The following NT5DC1 variants were observed in gnomAD, a reference collection of about 807,000 sequenced individuals.
NT5DC1 encodes 5'-nucleotidase domain-containing protein 1.
NT5DC1 carries 42 observed loss-of-function variants against 59.4 expected under a neutral mutation model. That is an observed-to-expected ratio of 0.71 (90% CI 0.55 to 0.92). The LOEUF is 0.92. Ranked by LOEUF, NT5DC1 falls within the 40% of genes least tolerant of loss-of-function variation. The pLI is 0.00. For missense variants in NT5DC1, 501 were observed against 537.1 expected, an observed-to-expected ratio of 0.93 and a Z score of 0.66; for synonymous variants, 172 against 188.1, an observed-to-expected ratio of 0.91 and a Z score of 0.70.
intron 6 of NT5DC1, among the ~76,000 whole-genome samples, chr6:116,138,514 A>C (rs922335541): frequency 6.6e-6 from 1 of 152,372 alleles, no homozygotes; most frequent in Middle Eastern, 3.4e-3. Context: ...AAAATGGGCT[A>C]GTTCAGAATT....
At chr6:116,115,098 A>G (rs1778940757) in intron 4 of NT5DC1, among the ~76,000 whole-genome samples, 1 of 152,248 alleles carries the variant, frequency 6.6e-6, no homozygotes. Flanking sequence ...GTCATACAGA[A>G]TAAACCAAAT....
At chr6:116,101,863 A>G (rs1010534525) in intron 1 of NT5DC1, among the ~76,000 whole-genome samples, 1 of 152,208 alleles carries the variant, frequency 6.6e-6, no homozygotes, top group African/African-American at 2.4e-5. Context: ...ATCCAGACAG[A>G]AAAAGAGCTG....
chr6:116,238,428 C>A, intron 10 of NT5DC1, 80 bp downstream of exon 10: 1 of 810,796 alleles, frequency 1.2e-6, no homozygotes, highest in East Asian at 3.2e-5. Context: ...CTACTTGACT[C>A]CAAAATTGTC....
At chr6:116,178,841 A>G (rs951141500) in intron 6 of NT5DC1, among the ~76,000 whole-genome samples, 2 of 152,198 alleles carry the variant, frequency 1.3e-5, no homozygotes, top group African/African-American at 2.4e-5. Context: ...GTAAATTTGC[A>G]ATTTCAGTGT....
intron 5 of NT5DC1, among the ~76,000 whole-genome samples, chr6:116,117,033 C>T (rs1015814794): frequency 2.6e-5 from 4 of 152,148 alleles, no homozygotes; most frequent in Non-Finnish European, 5.9e-5. Context: ...TCATTCATCT[C>T]TTCTGTTGAG....
At chr6:116,198,705 G>A (rs1781285361) in intron 6 of NT5DC1, among the ~76,000 whole-genome samples, 1 of 151,860 alleles carries the variant, frequency 6.6e-6, no homozygotes, top group African/African-American at 2.4e-5. Flanking sequence ...CTCCAGCCTG[G>A]GCAACAGGGG....
At chr6:116,217,651 A>G (rs1258263598) in intron 6 of NT5DC1, among the ~76,000 whole-genome samples, 1 of 152,088 alleles carries the variant, frequency 6.6e-6, no homozygotes, top group African/African-American at 2.4e-5. Context: ...GTTTGGCTAT[A>G]TGGTACTAAT....
chr6:116,155,776 G>A (rs115653952), intron 6 of NT5DC1, among the ~76,000 whole-genome samples: 4,359 of 151,202 alleles, frequency 0.029, 238 homozygotes, highest in African/African-American at 0.099. Flanking sequence ...AAAAAAAGAG[G>A]GAGGAAGTTG....
At chr6:116,141,274 T>G (rs887443010) in intron 6 of NT5DC1, among the ~76,000 whole-genome samples, 2 of 152,214 alleles carry the variant, frequency 1.3e-5, no homozygotes, top group African/African-American at 4.8e-5. Flanking sequence ...TTTTTTTTTT[T>G]TGGTGGTGGT....
chr6:116,200,759 C>G (rs549597223), intron 6 of NT5DC1, among the ~76,000 whole-genome samples: 1 of 152,094 alleles, frequency 6.6e-6, no homozygotes, highest in Admixed American at 6.6e-5. Flanking sequence ...TAGCTTGGAG[C>G]AGTTTCAGGT....
chr6:116,160,467 G>A lies in NT5DC1; in HGVS notation c.529+42522G>A, dbSNP rs2180735. On this transcript the variant is annotated intron_variant, in intron 6 of 11. Coordinates refer to ENST00000319550, the MANE Select transcript of NT5DC1 (RefSeq NM_152729.3). Reference sequence around the variant, plus strand: ...TTGTCTACTTTTTAATGGAATTTTTGTGGTTTTTTTTCTTTTTGATTTGTT... The same window carrying A: ...TTGTCTACTTTTTAATGGAATTTTTATGGTTTTTTTTCTTTTTGATTTGTT... Among the ~76,000 whole-genome samples, 867 of 151,986 alleles carry A rather than the reference G, an allele frequency of 5.7e-3. 29 individuals carry two copies. The South Asian group carries it at 0.088, about 15-fold the overall frequency.
At chr6:116,142,764 T>A (rs1182798227) in intron 6 of NT5DC1, among the ~76,000 whole-genome samples, 1 of 152,196 alleles carries the variant, frequency 6.6e-6, no homozygotes, top group African/African-American at 2.4e-5. Flanking sequence ...TGTTTCTTTT[T>A]GTTTCTTGTG....
intron 8 of NT5DC1, 44 bp downstream of exon 8, chr6:116,223,175 T>C (rs1233230034): frequency 9.8e-7 from 1 of 1,021,502 alleles, no homozygotes; most frequent in Admixed American, 1.8e-5. Flanking sequence ...TACAGTTGGC[T>C]AACAACCTTG....
At chr6:116,105,567 C>T (rs1250605267) in intron 1 of NT5DC1, among the ~76,000 whole-genome samples, 1 of 152,150 alleles carries the variant, frequency 6.6e-6, no homozygotes, top group Admixed American at 6.5e-5. Context: ...ATGTACAGTT[C>T]TTTTAAAGTT....
In NT5DC1 at chr6:116,238,350, T is replaced by A. The variant is rs766758462; in HGVS notation, c.1083+2T>A. 6.3e-7 allele frequency: 1 copy of A among 1,581,648 alleles called. No homozygotes were observed. Among genetic ancestry groups the A allele is most frequent in the East Asian group, 2.3e-5 (1 of 43,812 alleles). ...CTAGAGAAGAAAGGAAAATATGAGG[T>A]AAGGGTTCCCTGCAGCTCTTTCCTT... On this transcript the variant is annotated splice_donor_variant, in intron 10 of 11. Transcript: ENST00000319550. LOFTEE classifies it high-confidence loss of function.
chr6:116,236,740 C>G (rs1462717399), intron 8 of NT5DC1, among the ~76,000 whole-genome samples: 2 of 152,142 alleles, frequency 1.3e-5, no homozygotes, highest in Admixed American at 1.3e-4. Context: ...AGATCCTGGG[C>G]AAAATAACTT....
intron 6 of NT5DC1, among the ~76,000 whole-genome samples, chr6:116,207,439 G>A (rs1781480418): frequency 6.6e-6 from 1 of 151,746 alleles, no homozygotes; most frequent in South Asian, 2.1e-4. Context: ...TATAGGTAAA[G>A]ACTAAGTTTA....
At chr6:116,113,107 T>C (rs764582154) in intron 4 of NT5DC1, among the ~76,000 whole-genome samples, 3 of 152,240 alleles carry the variant, frequency 2.0e-5, no homozygotes, top group Non-Finnish European at 2.9e-5. Flanking sequence ...AATGGTAGAT[T>C]ATGCAGAAAC....
At chr6:116,230,766 C>T (rs900378564) in intron 8 of NT5DC1, among the ~76,000 whole-genome samples, 1 of 152,182 alleles carries the variant, frequency 6.6e-6, no homozygotes, top group Admixed American at 6.5e-5. Context: ...TTGTTTAGTG[C>T]TTTCACTTGG....
Sources: gnomAD v4.1 joint callset for allele counts (sites outside exome capture counted in the v4.1 genomes callset) on GRCh38, gnomAD v4.1.1 for gene constraint, MANE v1.5 for transcripts, NCBI Gene and HGNC (gene_info 2026-07-23, HGNC 2026-07-21) for gene names.